Variants in SNX13 observed in about 807,000 individuals in gnomAD.
The protein encoded by SNX13 is sorting nexin-13.
Under a neutral mutation model 133.6 loss-of-function variants are expected in SNX13, and 45 were observed. The ratio of observed to expected loss-of-function variants is 0.34; its 90% CI spans 0.27 to 0.43. SNX13 has a LOEUF of 0.43. Ranked by LOEUF, SNX13 falls within the 20% of genes least tolerant of loss-of-function variation. SNX13 has a pLI of 1.00. For synonymous variants in SNX13, 414 were observed against 373.9 expected (o/e 1.11, Z -1.24); for missense variants, 1,032 against 1,145.1 (o/e 0.90, Z 1.43).
At chr7:17,811,699 A>C (rs890123259) in intron 20 of SNX13, among the ~76,000 whole-genome samples, 2 of 152,198 alleles carry the variant, frequency 1.3e-5, no homozygotes, top group Non-Finnish European at 2.9e-5. Context: ...GAGAATCCTA[A>C]GCAAAAAGAT....
At chr7:17,913,754 C>CAAAA (rs1158895502) in intron 1 of SNX13, among the ~76,000 whole-genome samples, 4 of 87,270 alleles carry the variant, frequency 4.6e-5, no homozygotes, top group Admixed American at 1.3e-4. Context: ...AGCAAATTAA[C>CAAAA]AAAAACAAAA....
rs1409516178 is a variant in SNX13, at chr7:17,793,132, T to C, written c.*913A>G. 1.3e-5 allele frequency: 2 copies of C among 152,298 alleles called. No individual in the cohort carries two copies. The highest frequency in any genetic ancestry group is 4.8e-5 in the African/African-American group (2 of 41,418). The allele number at this position is 152,298 out of a possible 1,614,324, so 9.4% of individuals were successfully genotyped here. On this transcript the variant is annotated 3_prime_UTR_variant, in exon 26 of 26. Coordinates refer to ENST00000428135, the MANE Select transcript of SNX13 (RefSeq NM_015132.5). Reference sequence around the variant, plus strand: ...ATGTCTAGATCACACAATTAAAAATTATCATATGGTAACTTTCCAGACTAC... The same window carrying C: ...ATGTCTAGATCACACAATTAAAAATCATCATATGGTAACTTTCCAGACTAC...
chr7:17,880,997 G>A (rs897601509), intron 5 of SNX13: 2 of 152,062 alleles, frequency 1.3e-5, no homozygotes, highest in East Asian at 3.9e-4. Flanking sequence ...TCGCTTGGCA[G>A]TAAAGGCGAT....
intron 22 of SNX13, among the ~76,000 whole-genome samples, chr7:17,800,673 A>G (rs1475487789): frequency 1.3e-5 from 2 of 151,826 alleles, no homozygotes; most frequent in Non-Finnish European, 3.0e-5. Flanking sequence ...ACTCACATTC[A>G]GATTACATAA....
chr7:17,836,386 G>C (rs1198753732), intron 13 of SNX13, among the ~76,000 whole-genome samples: 1 of 151,996 alleles, frequency 6.6e-6, no homozygotes, highest in Non-Finnish European at 1.5e-5. Flanking sequence ...GGATGTGGGT[G>C]CATGCCTACA....
chr7:17,919,228 C>G (rs879339637), intron 1 of SNX13, among the ~76,000 whole-genome samples: 7 of 152,140 alleles, frequency 4.6e-5, no homozygotes, highest in Non-Finnish European at 1.0e-4. Flanking sequence ...GCACATTTAT[C>G]CCCTGAACTT....
intron 22 of SNX13, among the ~76,000 whole-genome samples, chr7:17,801,011 TATATATA>T (rs1784555491): frequency 0.013 from 177 of 13,268 alleles, 3 homozygotes; most frequent in Middle Eastern, 0.083. Context: ...AAACTGAACA[TATATATA>T]TATATATATA....
intron 18 of SNX13, 74 bp from the exon 19 acceptor site, chr7:17,816,363 T>C: frequency 6.8e-7 from 1 of 1,468,162 alleles, no homozygotes; most frequent in Non-Finnish European, 9.1e-7. Flanking sequence ...TTTCTCTACA[T>C]ATTAAAAACA....
Position 17,940,288 on chromosome 7 carries a change from G to A in SNX13, c.8C>T (p.Thr3Ile). 1 of 1,564,728 alleles carries A rather than the reference G, an allele frequency of 6.4e-7. No homozygotes were observed. The change falls in exon 1 of 26, where the codon ACT becomes ATT. Residue 3 changes from threonine to isoleucine, a missense_variant. Thr to Ile is a moderately conservative substitution (Grantham distance 89). Coordinates refer to ENST00000428135, the MANE Select transcript of SNX13 (RefSeq NM_015132.5). MLTEASLSIWGWG... is the reference protein window; with the variant it reads MLIEASLSIWGWG... ...CTGGCCACCGTCGCCGCTTACCTCA[G>A]TTAACATTATTACACCCCGGGGAAG... is the stretch of plus-strand genomic sequence containing the variant.
intron 12 of SNX13, among the ~76,000 whole-genome samples, chr7:17,843,290 T>C (rs1444095309): frequency 1.3e-5 from 2 of 152,056 alleles, no homozygotes; most frequent in Non-Finnish European, 2.9e-5. Context: ...GCTACACTAG[T>C]ATCAGCTGAA....
Position 17,791,371 on chromosome 7 carries a change from A to C in SNX13, c.*2674T>G, listed in dbSNP as rs1168866565. ...AAATGAACAAACTGAAATATTCAAG[A>C]AAGTTTTTGTTTTTTTTTTTTTTAA... On this transcript the variant is annotated 3_prime_UTR_variant, in exon 26 of 26. Coordinates refer to ENST00000428135, the MANE Select transcript of SNX13 (RefSeq NM_015132.5). 6.6e-6 allele frequency: 1 copy of C among 151,724 alleles called. No homozygotes were observed. The highest frequency in any genetic ancestry group is 1.5e-5 in the Non-Finnish European group (1 of 67,806). The allele number at this position is 151,724 out of a possible 1,614,324, so 9.4% of individuals were successfully genotyped here.
rs552123933 is a variant in SNX13, at chr7:17,931,652, G to C, written c.12+8632C>G. The stretch of plus-strand genomic sequence containing the variant: ...TCCAACAATGCACAGCTAAGGTCAA[G>C]AGCAAAGCTGGATTCACCTTAGGGT... On this transcript the variant is annotated intron_variant, in intron 1 of 25. Coordinates refer to ENST00000428135, the MANE Select transcript of SNX13 (RefSeq NM_015132.5). 3.7e-3 allele frequency among the ~76,000 whole-genome samples: 563 copies of C among 152,302 alleles called. 5 individuals are homozygous for C. The highest frequency in any genetic ancestry group is 0.013 in the African/African-American group (540 of 41,560).
chr7:17,797,495 G>A (rs1784177040), intron 24 of SNX13, among the ~76,000 whole-genome samples: 1 of 151,702 alleles, frequency 6.6e-6, no homozygotes, highest in South Asian at 2.1e-4. Context: ...CTAATTCTTG[G>A]TCTGAAGGCA....
intron 1 of SNX13, among the ~76,000 whole-genome samples, chr7:17,925,163 G>A (rs1263885977): frequency 1.3e-5 from 2 of 152,096 alleles, no homozygotes; most frequent in East Asian, 1.9e-4. Context: ...TCAGTGAGCC[G>A]ATATCATGCC....
At position 17,869,879 on chromosome 7, in the gene SNX13, GACACACACACAC is replaced by G. The variant is rs10569996; in HGVS notation, c.754-1401_754-1390del. ...GAGAAAATTTACTCACACACACACA[GACACACACACAC>G]ACACACACACACTTTTTCCAATGCT... On this transcript the variant is annotated intron_variant, in intron 8 of 25. Transcript: ENST00000428135. Among the ~76,000 whole-genome samples the G allele has an allele frequency of 2.7e-4, 40 of 149,506 alleles. No individual in the cohort carries two copies. The South Asian group carries it at 3.4e-3, about 13-fold the overall frequency.
chr7:17,901,240 GAGA>G (rs1310626896), intron 1 of SNX13, among the ~76,000 whole-genome samples: 1 of 152,120 alleles, frequency 6.6e-6, no homozygotes, highest in Non-Finnish European at 1.5e-5. Context: ...CTCAAGCAGA[GAGA>G]AGGAGTCTTT....
At position 17,873,519 on chromosome 7, in the gene SNX13, T is replaced by C; in HGVS notation, c.753+9A>G. The C allele has an allele frequency of 6.4e-7, 1 of 1,553,104 alleles. No homozygotes were observed. The highest frequency in any genetic ancestry group is 8.7e-7 in the Non-Finnish European group (1 of 1,151,970). ...TTGCAGGTATGATATGGTATGAGTT[T>C]AAGCTTACCCTGACAAAGTATCGCA... On this transcript the variant is annotated intron_variant, in intron 8 of 25. Coordinates refer to ENST00000428135, the MANE Select transcript of SNX13 (RefSeq NM_015132.5).
intron 8 of SNX13, among the ~76,000 whole-genome samples, chr7:17,871,583 T>C (rs1232941877): frequency 6.6e-6 from 1 of 152,168 alleles, no homozygotes; most frequent in East Asian, 1.9e-4. Flanking sequence ...CCTTTGTGTC[T>C]GAACATCCCA....
At chr7:17,824,081 G>A (rs1787603100) in intron 17 of SNX13, among the ~76,000 whole-genome samples, 3 of 152,090 alleles carry the variant, frequency 2.0e-5, no homozygotes, top group Admixed American at 1.3e-4. Flanking sequence ...TATTGGTTTT[G>A]TGAAGATGGT....
Sources: gnomAD v4.1 joint callset for allele counts (sites outside exome capture counted in the v4.1 genomes callset) on GRCh38, gnomAD v4.1.1 for gene constraint, MANE v1.5 for transcripts, NCBI Gene and HGNC (gene_info 2026-07-23, HGNC 2026-07-21) for gene names.